The following WNK1 variants were observed in gnomAD, a reference collection of about 807,000 sequenced individuals.
The protein encoded by WNK1 is serine/threonine-protein kinase WNK1.
WNK1 carries 38 observed loss-of-function variants against 222.8 expected under a neutral mutation model. The ratio of observed to expected loss-of-function variants is 0.17; its 90% CI spans 0.13 to 0.22. The LOEUF is 0.22. Among genes scored for constraint, WNK1 ranks in the 10% least tolerant of loss-of-function variants. The pLI is 1.00. For synonymous variants in WNK1, 1,090 were observed against 1,092.9 expected (o/e 1.00, Z 0.05); for missense variants, 2,348 against 2,918.4 (o/e 0.80, Z 4.50).
chr12:791,021 T>C (rs544045901), intron 1 of WNK1, among the ~76,000 whole-genome samples: 1 of 152,280 alleles, frequency 6.6e-6, no homozygotes, highest in Non-Finnish European at 1.5e-5. Flanking sequence ...GTTTGGATTC[T>C]AGAGACAGTT....
intron 5 of WNK1, among the ~76,000 whole-genome samples, chr12:857,892 C>T (rs796082025): frequency 5.3e-5 from 8 of 152,274 alleles, no homozygotes; most frequent in African/African-American, 1.9e-4. Context: ...TTGCCACCCC[C>T]TTCCATCCTC....
chr12:862,590 G>A (rs1204487504), intron 8 of WNK1, among the ~76,000 whole-genome samples: 1 of 152,208 alleles, frequency 6.6e-6, no homozygotes, highest in African/African-American at 2.4e-5. Flanking sequence ...TGCGGGTGGG[G>A]CGAGAAGAGT....
At chr12:805,000 TTATA>T (rs1946246456) in intron 1 of WNK1, among the ~76,000 whole-genome samples, 1 of 149,968 alleles carries the variant, frequency 6.7e-6, no homozygotes, top group Non-Finnish European at 1.5e-5. Flanking sequence ...TCCTTTATAT[TTATA>T]TATTTTGTTT....
intron 1 of WNK1, among the ~76,000 whole-genome samples, chr12:765,026 G>A (rs1941512173): frequency 6.8e-6 from 1 of 147,786 alleles, no homozygotes; most frequent in Non-Finnish European, 1.5e-5. Context: ...GTAGAGACAG[G>A]GTTTTGCCAT....
chr12:881,499 G>T, intron 12 of WNK1, 193 bp from the exon 13 acceptor site: 1 of 630,852 alleles, frequency 1.6e-6, no homozygotes, highest in Middle Eastern at 4.2e-4. Flanking sequence ...CTATACCAGA[G>T]ACTAGCTTTA....
intron 1 of WNK1, among the ~76,000 whole-genome samples, chr12:791,634 GT>G (rs1272776510): frequency 6.6e-6 from 1 of 151,452 alleles, no homozygotes; most frequent in Non-Finnish European, 1.5e-5. Flanking sequence ...ATCCATTTTA[GT>G]TCATCAGGTA....
At chr12:837,572 TAAAA>T (rs530005542) in intron 4 of WNK1, among the ~76,000 whole-genome samples, 5,058 of 123,526 alleles carry the variant, frequency 0.041, 92 homozygotes, top group Non-Finnish European at 0.048. Context: ...AGACCCTGTC[TAAAA>T]AAAAAAAAAA....
intron 4 of WNK1, among the ~76,000 whole-genome samples, chr12:846,217 C>T (rs1244815414): frequency 6.6e-6 from 1 of 152,066 alleles, no homozygotes; most frequent in East Asian, 1.9e-4. Context: ...AGGTTCATTC[C>T]CCCTATTTAA....
chr12:763,319 C>A lies in WNK1; in HGVS notation c.759+8995C>A, dbSNP rs777134795. On this transcript the variant is annotated intron_variant, in intron 1 of 27. Transcript: ENST00000315939. Reference sequence around the variant, plus strand: ...GAATTGTTGGCTAGGCGTGGTGGCTCACGCTTGTAATCCCAACACTTTGGG... The same window carrying A: ...GAATTGTTGGCTAGGCGTGGTGGCTAACGCTTGTAATCCCAACACTTTGGG... Among the ~76,000 whole-genome samples the A allele has an allele frequency of 6.5e-4, 95 of 147,274 alleles. 3 individuals carry two copies. The highest frequency in any genetic ancestry group is 1.3e-3 in the Non-Finnish European group (85 of 65,892).
At position 871,262 on chromosome 12, in the gene WNK1, C is replaced by T. The variant is rs748065749; in HGVS notation, c.2140-3C>T. ...ATTTGTTGTGTTCACTTCTTTCCTT[C>T]AGGCACAGGGGCAGAGCCAGGGTCA... On this transcript the variant is annotated splice_polypyrimidine_tract_variant and splice_region_variant and intron_variant, in intron 8 of 27. Coordinates refer to ENST00000315939, the MANE Select transcript of WNK1 (RefSeq NM_018979.4). 3.7e-6 allele frequency: 6 copies of T among 1,614,022 alleles called. No homozygotes were observed. The highest frequency in any genetic ancestry group is 3.3e-5 in the South Asian group (3 of 91,086).
chr12:894,974 T>G (rs1376715803), intron 23 of WNK1, among the ~76,000 whole-genome samples: 1 of 152,180 alleles, frequency 6.6e-6, no homozygotes, highest in African/African-American at 2.4e-5. Context: ...TGTTACAGCT[T>G]TTTTTCCCAT....
At chr12:767,539 C>G (rs1462759761) in intron 1 of WNK1, among the ~76,000 whole-genome samples, 2 of 152,098 alleles carry the variant, frequency 1.3e-5, no homozygotes, top group Admixed American at 1.3e-4. Context: ...GCATGACCCA[C>G]CACGCCTGGC....
intron 4 of WNK1, among the ~76,000 whole-genome samples, chr12:840,265 C>G (rs1949521925): frequency 6.7e-6 from 1 of 149,062 alleles, no homozygotes; most frequent in African/African-American, 2.5e-5. Flanking sequence ...ATCGCTAGGA[C>G]TACAGACATG....
rs148723939 is a variant in WNK1 at position 816,493 on chromosome 12, T to C, written c.932+2679T>C. On this transcript the variant is annotated intron_variant, in intron 2 of 27. Transcript: ENST00000315939. ...ACAGTGTCTATTTTGTTGCCCAGGC[T>C]GCTCTCAAACTCCTGAGCTCATCCT... is the stretch of plus-strand genomic sequence containing the variant. Among the ~76,000 whole-genome samples, 150 of 152,154 alleles carry C rather than the reference T, an allele frequency of 9.9e-4. 2 individuals are homozygous for C. Among genetic ancestry groups the C allele is most frequent in the South Asian group, 7.7e-3 (37 of 4,822 alleles).
At chr12:798,262 G>C (rs993500470) in intron 1 of WNK1, among the ~76,000 whole-genome samples, 1 of 151,648 alleles carries the variant, frequency 6.6e-6, no homozygotes, top group Non-Finnish European at 1.5e-5. Context: ...CCCGATCTCG[G>C]CTCACTGCAA....
At chr12:847,163 C>T (rs1478402406) in intron 4 of WNK1, among the ~76,000 whole-genome samples, 1 of 152,044 alleles carries the variant, frequency 6.6e-6, no homozygotes, top group Non-Finnish European at 1.5e-5. Flanking sequence ...CAGAATTCCT[C>T]AAAAAAGCTG....
intron 2 of WNK1, among the ~76,000 whole-genome samples, chr12:820,753 G>A (rs907355165): frequency 6.6e-6 from 1 of 152,076 alleles, no homozygotes; most frequent in Admixed American, 6.5e-5. Context: ...TGAGATTACA[G>A]GTGTGTGCCA....
intron 5 of WNK1, among the ~76,000 whole-genome samples, chr12:859,007 A>C (rs1950993789): frequency 6.6e-6 from 1 of 152,154 alleles, no homozygotes; most frequent in South Asian, 2.1e-4. Flanking sequence ...TTGGATTTAA[A>C]AATTATCACT....
At position 764,998 on chromosome 12, in the gene WNK1, G is replaced by C. The variant is rs1020228984; in HGVS notation, c.759+10674G>C. Among the ~76,000 whole-genome samples the C allele has an allele frequency of 2.0e-5, 3 of 147,532 alleles. No homozygotes were observed. In the East Asian group the frequency reaches 5.9e-4, roughly 29 times the overall value. On this transcript the variant is annotated intron_variant, in intron 1 of 27. Transcript: ENST00000315939. The stretch of plus-strand genomic sequence containing the variant: ...TTACAGGCACGTGCCACCACACCCA[G>C]CTAATTTTGTATTTTTAGTAGAGAC...
Sources: gnomAD v4.1 joint callset for allele counts (sites outside exome capture counted in the v4.1 genomes callset) on GRCh38, gnomAD v4.1.1 for gene constraint, MANE v1.5 for transcripts, NCBI Gene and HGNC (gene_info 2026-07-23, HGNC 2026-07-21) for gene names.